SHOC2: variants seen among roughly 807,000 people sequenced by gnomAD.
SHOC2 encodes SHOC2 leucine rich repeat scaffold protein.
Under a neutral mutation model 50.2 loss-of-function variants are expected in SHOC2, and 4 were observed. The observed-to-expected ratio is 0.08, with a 90% CI of 0.04 to 0.18. The LOEUF is 0.18. Ranked by LOEUF, SHOC2 falls within the 10% of genes least tolerant of loss-of-function variation. The pLI is 1.00. For missense variants in SHOC2, 388 were observed against 669.6 expected (o/e 0.58, Z 4.64); for synonymous variants, 218 against 244.5 (o/e 0.89, Z 1.01).
intron 4 of SHOC2, among the ~76,000 whole-genome samples, chr10:111,002,993 AG>A (rs1848407597): frequency 6.6e-6 from 1 of 152,198 alleles, no homozygotes; most frequent in African/African-American, 2.4e-5. Context: ...TCAATCGTGT[AG>A]CCTGTAGAGA....
At chr10:110,999,305 T>G (rs1361339777) in intron 3 of SHOC2, among the ~76,000 whole-genome samples, 3 of 152,256 alleles carry the variant, frequency 2.0e-5, no homozygotes, top group Non-Finnish European at 2.9e-5. Flanking sequence ...TAGCTTTTTT[T>G]GTATCAAAAT....
intron 1 of SHOC2, among the ~76,000 whole-genome samples, chr10:110,962,726 T>C (rs763993761): frequency 6.6e-6 from 1 of 152,176 alleles, no homozygotes; most frequent in Non-Finnish European, 1.5e-5. Flanking sequence ...AAACTTTCTT[T>C]TTCATGCCAC....
intron 3 of SHOC2, among the ~76,000 whole-genome samples, chr10:110,995,672 T>A (rs967539632): frequency 6.6e-6 from 1 of 152,222 alleles, no homozygotes; most frequent in South Asian, 2.1e-4. Flanking sequence ...TTACTGCTGC[T>A]TCCTAGGTAT....
At position 110,963,195 on chromosome 10, in the gene SHOC2, C is replaced by T. The variant is rs182111402; in HGVS notation, c.-234-930C>T. On this transcript the variant is annotated intron_variant, in intron 1 of 8. Coordinates refer to ENST00000369452, the MANE Select transcript of SHOC2 (RefSeq NM_007373.4). Reference sequence around the variant, plus strand: ...AATAAGAATTACTAATTTTAAATTTCAAAATGTTTAGGGAGGACTGATTCC... The same window carrying T: ...AATAAGAATTACTAATTTTAAATTTTAAAATGTTTAGGGAGGACTGATTCC... Among the ~76,000 whole-genome samples the T allele has an allele frequency of 1.4e-3, 216 of 152,238 alleles. 1 individual carries two copies. Among genetic ancestry groups the T allele is most frequent in the African/African-American group, 4.4e-3 (182 of 41,540 alleles).
rs1848608536 is a variant in SHOC2 at position 111,013,605 on chromosome 10, C to A, written c.*1787C>A. The A allele has an allele frequency of 6.6e-6, 1 of 151,268 alleles. No homozygotes were observed. The highest frequency in any genetic ancestry group is 2.4e-5 in the African/African-American group (1 of 41,182). The allele number at this position is 151,268 out of a possible 1,614,324, so 9.4% of individuals were successfully genotyped here. ...TTTCTTTTTTTTTTCCCCCCATCTG[C>A]TGTGGCTTTTCAGTTAAAATTTTGT... On this transcript the variant is annotated 3_prime_UTR_variant, in exon 9 of 9. Coordinates refer to ENST00000369452, the MANE Select transcript of SHOC2 (RefSeq NM_007373.4).
At chr10:110,995,654 G>A (rs566151534) in intron 3 of SHOC2, among the ~76,000 whole-genome samples, 9 of 152,292 alleles carry the variant, frequency 5.9e-5, no homozygotes, top group African/African-American at 1.9e-4. Flanking sequence ...ATTACCCTCA[G>A]ATGGCTCTTA....
intron 2 of SHOC2, among the ~76,000 whole-genome samples, chr10:110,974,793 C>T (rs1847845734): frequency 6.6e-6 from 1 of 152,104 alleles, no homozygotes; most frequent in Non-Finnish European, 1.5e-5. Context: ...CTTTATTTCC[C>T]TCCTTCCATT....
intron 1 of SHOC2, chr10:110,936,953 CG>C (rs1434703956): frequency 1.4e-6 from 2 of 1,440,436 alleles, no homozygotes; most frequent in African/African-American, 2.8e-5. Context: ...GGCCTGGCCT[CG>C]CTTGGTCTTG....
In SHOC2 at chr10:110,989,177, T is replaced by C. The variant is rs530988955; in HGVS notation, c.841+3412T>C. On this transcript the variant is annotated intron_variant, in intron 3 of 8. Transcript: ENST00000369452. ...TAATGTGTATTCTACTTTTGTTGGG[T>C]GGAGTGATCCATAAATATGAATCAT... is the stretch of plus-strand genomic sequence containing the variant. Among the ~76,000 whole-genome samples, 4 of 152,292 alleles carry C rather than the reference T, an allele frequency of 2.6e-5. No homozygotes were observed. The East Asian group carries it at 7.7e-4, about 29-fold the overall frequency.
At chr10:110,998,180 G>C (rs1476436940) in intron 3 of SHOC2, among the ~76,000 whole-genome samples, 1 of 151,846 alleles carries the variant, frequency 6.6e-6, no homozygotes, top group Non-Finnish European at 1.5e-5. Context: ...TGTATTTTTA[G>C]TAGAGATGGG....
intron 3 of SHOC2, among the ~76,000 whole-genome samples, chr10:110,990,331 C>T (rs950966995): frequency 7.9e-5 from 12 of 151,778 alleles, no homozygotes; most frequent in Non-Finnish European, 1.0e-4. Context: ...CACCAATGGA[C>T]ACTCTGTATC....
chr10:110,937,846 C>T (rs1022935085), intron 1 of SHOC2, among the ~76,000 whole-genome samples: 1 of 152,122 alleles, frequency 6.6e-6, no homozygotes, highest in Non-Finnish European at 1.5e-5. Flanking sequence ...AAGAATGAAA[C>T]TAGTAAGTCT....
At chr10:110,995,920 A>C (rs1189928373) in intron 3 of SHOC2, among the ~76,000 whole-genome samples, 1 of 151,940 alleles carries the variant, frequency 6.6e-6, no homozygotes, top group African/African-American at 2.4e-5. Flanking sequence ...TAACTTTTTC[A>C]CTTTCTTTAT....
chr10:110,985,380 G>C (rs1409957328), intron 2 of SHOC2, among the ~76,000 whole-genome samples: 2 of 152,024 alleles, frequency 1.3e-5, no homozygotes, highest in Non-Finnish European at 2.9e-5. Context: ...AGTGGTTTCA[G>C]ATTTGTGGTT....
intron 2 of SHOC2, among the ~76,000 whole-genome samples, chr10:110,968,497 T>C (rs1307697378): frequency 1.3e-5 from 2 of 151,762 alleles, no homozygotes; most frequent in East Asian, 3.8e-4. Context: ...ATAATTTTGT[T>C]AAACTTTCAT....
chr10:110,955,148 A>G (rs1206218378), intron 1 of SHOC2, among the ~76,000 whole-genome samples: 1 of 152,150 alleles, frequency 6.6e-6, no homozygotes, highest in Admixed American at 6.5e-5. Context: ...TGCTTTGTTC[A>G]CTTTTTGGAG....
intron 1 of SHOC2, among the ~76,000 whole-genome samples, chr10:110,947,437 G>T (rs1205788157): frequency 6.6e-6 from 1 of 152,194 alleles, no homozygotes; most frequent in Non-Finnish European, 1.5e-5. Context: ...AGACTGGAGA[G>T]GTGACTACTT....
intron 1 of SHOC2, among the ~76,000 whole-genome samples, chr10:110,960,308 A>G (rs540358649): frequency 1.7e-4 from 26 of 152,372 alleles, no homozygotes; most frequent in South Asian, 1.4e-3. Flanking sequence ...AAGCCTCAAT[A>G]TTTAAAATCT....
chr10:110,930,318 T>A (rs1479283724), intron 1 of SHOC2, among the ~76,000 whole-genome samples: 1 of 152,188 alleles, frequency 6.6e-6, no homozygotes, highest in Non-Finnish European at 1.5e-5. Context: ...CACACACTCC[T>A]AGTCTTGTTA....
Sources: gnomAD v4.1 joint callset for allele counts (sites outside exome capture counted in the v4.1 genomes callset) on GRCh38, gnomAD v4.1.1 for gene constraint, MANE v1.5 for transcripts, NCBI Gene and HGNC (gene_info 2026-07-23, HGNC 2026-07-21) for gene names.